The following MDGA2 variants were observed in gnomAD, a reference collection of about 807,000 sequenced individuals.
MDGA2 encodes MAM domain containing glycosylphosphatidylinositol anchor 2.
Under a neutral mutation model 117.8 loss-of-function variants are expected in MDGA2, and 40 were observed. The ratio of observed to expected loss-of-function variants is 0.34; its 90% CI spans 0.26 to 0.44. The LOEUF (loss-of-function observed/expected upper bound fraction) is 0.44, where lower values mean the gene tolerates loss of function less well. Ranked by LOEUF, MDGA2 falls within the 20% of genes least tolerant of loss-of-function variation. MDGA2 has a pLI of 1.00. For missense variants in MDGA2, 1,123 were observed against 1,250.6 expected (o/e 0.90, Z 1.54); for synonymous variants, 452 against 439.0 (o/e 1.03, Z -0.37).
intron 3 of MDGA2, among the ~76,000 whole-genome samples, chr14:47,168,040 T>C (rs1237407720): frequency 1.3e-5 from 2 of 152,176 alleles, no homozygotes; most frequent in Admixed American, 6.5e-5. Context: ...AAACTGACCA[T>C]TGTCAACATA....
intron 1 of MDGA2, among the ~76,000 whole-genome samples, chr14:47,339,193 AG>A (rs1241246334): frequency 1.3e-5 from 2 of 152,156 alleles, no homozygotes; most frequent in Non-Finnish European, 2.9e-5. Flanking sequence ...TAAAAGAATG[AG>A]GGAACTGGCA....
chr14:47,635,039 T>G (rs1180263682), intron 1 of MDGA2, among the ~76,000 whole-genome samples: 1 of 152,094 alleles, frequency 6.6e-6, no homozygotes, highest in African/African-American at 2.4e-5. Context: ...TAATAATACC[T>G]ACCCAATAGA....
At chr14:47,021,926 T>C (rs578076244) in intron 8 of MDGA2, among the ~76,000 whole-genome samples, 17 of 152,328 alleles carry the variant, frequency 1.1e-4, no homozygotes, top group Admixed American at 1.3e-4. Flanking sequence ...TTTATAGTTA[T>C]GGTTAAACCT....
chr14:47,072,174 A>G (rs1890315760), intron 6 of MDGA2, among the ~76,000 whole-genome samples: 1 of 151,000 alleles, frequency 6.6e-6, no homozygotes, highest in Non-Finnish European at 1.5e-5. Context: ...TTAACTGATA[A>G]GAAATAAGAG....
At chr14:47,277,092 A>G (rs2139722339) in intron 2 of MDGA2, among the ~76,000 whole-genome samples, 1 of 152,228 alleles carries the variant, frequency 6.6e-6, no homozygotes, top group South Asian at 2.1e-4. Context: ...TAAAGCTCTT[A>G]TGAAGGATCA....
chr14:47,142,785 A>G (rs988686058), intron 4 of MDGA2, among the ~76,000 whole-genome samples: 1 of 152,156 alleles, frequency 6.6e-6, no homozygotes, highest in Non-Finnish European at 1.5e-5. Context: ...CTAAATCAAG[A>G]GACGATCAGA....
intron 1 of MDGA2, among the ~76,000 whole-genome samples, chr14:47,558,303 A>G (rs1164904057): frequency 1.3e-5 from 2 of 152,210 alleles, no homozygotes; most frequent in African/African-American, 2.4e-5. Flanking sequence ...GAATTAGTCC[A>G]CTTTGATATC....
intron 1 of MDGA2, among the ~76,000 whole-genome samples, chr14:47,378,563 G>A (rs1462338123): frequency 6.6e-6 from 1 of 152,154 alleles, no homozygotes; most frequent in Admixed American, 6.5e-5. Flanking sequence ...AGAACTAAGT[G>A]ATGCATGCAC....
chr14:47,023,085 T>C (rs1289468406), intron 8 of MDGA2, among the ~76,000 whole-genome samples: 3 of 150,056 alleles, frequency 2.0e-5, no homozygotes, highest in Admixed American at 6.6e-5. Context: ...AAGAACTGAG[T>C]TGATAGTTGA....
At chr14:47,012,874 C>T (rs1887944328) in intron 8 of MDGA2, among the ~76,000 whole-genome samples, 1 of 152,138 alleles carries the variant, frequency 6.6e-6, no homozygotes, top group Admixed American at 6.6e-5. Flanking sequence ...TACATTTACA[C>T]TATACTGCAG....
chr14:47,019,585 T>A (rs1283399686), intron 8 of MDGA2, among the ~76,000 whole-genome samples: 4 of 152,166 alleles, frequency 2.6e-5, no homozygotes, highest in Non-Finnish European at 5.9e-5. Flanking sequence ...AGCTCACGCC[T>A]GTAATCCCAG....
chr14:47,284,256 T>C (rs150005643), intron 2 of MDGA2, among the ~76,000 whole-genome samples: 47 of 152,328 alleles, frequency 3.1e-4, no homozygotes, highest in African/African-American at 1.1e-3. Flanking sequence ...CAAAGTCAGC[T>C]TAATGAAGCC....
In MDGA2 at chr14:47,562,691, G is replaced by C. The variant is rs566260566; in HGVS notation, c.280+111826C>G. On this transcript the variant is annotated intron_variant, in intron 1 of 16. Coordinates refer to ENST00000399232, the MANE Select transcript of MDGA2 (RefSeq NM_001113498.3). ...TCTCAAAAAGCAAAGTCCTGAATTT[G>C]TTGCTTTGGTGTGGGTTTTTGCATT... Among the ~76,000 whole-genome samples, 4 of 152,146 alleles carry C rather than the reference G, an allele frequency of 2.6e-5. No homozygotes were observed. In the East Asian group the frequency reaches 7.7e-4, roughly 29 times the overall value.
chr14:47,510,874 T>G (rs945322830), intron 1 of MDGA2, among the ~76,000 whole-genome samples: 1 of 152,228 alleles, frequency 6.6e-6, no homozygotes, highest in Admixed American at 6.5e-5. Context: ...CAGCCCAGAA[T>G]GGGAGTGCTT....
intron 10 of MDGA2, among the ~76,000 whole-genome samples, chr14:46,887,957 A>T (rs2138409229): frequency 6.6e-6 from 1 of 151,974 alleles, no homozygotes; most frequent in East Asian, 1.9e-4. Flanking sequence ...ATACCACTGA[A>T]AATTTGTAGT....
At chr14:47,421,817 T>C (rs1447881126) in intron 1 of MDGA2, among the ~76,000 whole-genome samples, 4 of 152,170 alleles carry the variant, frequency 2.6e-5, no homozygotes, top group Non-Finnish European at 5.9e-5. Context: ...TCCTAAATGT[T>C]CTTAATTTTT....
rs1265875449 is a variant in MDGA2, at chr14:47,066,323, T to C, written c.1196-4745A>G. ...CATTTCAAAGCATTAACTTTACAAATGCCAATTGTTTCCATTCAGTATGGT... is the reference window on the plus strand; with the variant it reads ...CATTTCAAAGCATTAACTTTACAAACGCCAATTGTTTCCATTCAGTATGGT... On this transcript the variant is annotated intron_variant, in intron 6 of 16. Transcript: ENST00000399232. Among the ~76,000 whole-genome samples, 3 of 152,216 alleles carry C rather than the reference T, an allele frequency of 2.0e-5. No homozygotes were observed. In the East Asian group the frequency reaches 5.8e-4, roughly 29 times the overall value.
At chr14:47,154,719 C>T (rs1201504472) in intron 3 of MDGA2, among the ~76,000 whole-genome samples, 1 of 152,192 alleles carries the variant, frequency 6.6e-6, no homozygotes, top group Non-Finnish European at 1.5e-5. Context: ...GTGACAAGTA[C>T]AGCAGAGAGG....
chr14:47,428,706 A>G (rs1226800340), intron 1 of MDGA2, among the ~76,000 whole-genome samples: 1 of 151,974 alleles, frequency 6.6e-6, no homozygotes, highest in Non-Finnish European at 1.5e-5. Context: ...CCATACATAT[A>G]TACATATTTA....
Sources: gnomAD v4.1 joint callset for allele counts (sites outside exome capture counted in the v4.1 genomes callset) on GRCh38, gnomAD v4.1.1 for gene constraint, MANE v1.5 for transcripts, NCBI Gene and HGNC (gene_info 2026-07-23, HGNC 2026-07-21) for gene names.